Variants in CCSER1 observed in about 807,000 individuals in gnomAD.
The protein encoded by CCSER1 is serine-rich coiled-coil domain-containing protein 1.
Under a neutral mutation model 82.0 loss-of-function variants are expected in CCSER1, and 41 were observed. The ratio of observed to expected loss-of-function variants is 0.50; its 90% confidence interval spans 0.39 to 0.65. The LOEUF (loss-of-function observed/expected upper bound fraction) is 0.65, where lower values mean the gene tolerates loss of function less well. CCSER1 is among the 30% of genes least tolerant of loss of function. The pLI, the probability that CCSER1 is intolerant of heterozygous loss-of-function variation, is 0.00. For missense variants in CCSER1, 1,119 were observed against 1,064.2 expected, an observed-to-expected ratio of 1.05 and a Z score of -0.72; for synonymous variants, 414 against 383.9, an observed-to-expected ratio of 1.08 and a Z score of -0.92.
chr4:90,219,894 C>T (rs946110185), intron 1 of CCSER1, among the ~76,000 whole-genome samples: 1 of 152,086 alleles, frequency 6.6e-6, no homozygotes. Flanking sequence ...CGGGAAATAG[C>T]GTAATAATGA....
intron 8 of CCSER1, among the ~76,000 whole-genome samples, chr4:90,913,012 T>C (rs1205756902): frequency 1.3e-5 from 2 of 152,188 alleles, no homozygotes; most frequent in Non-Finnish European, 2.9e-5. Context: ...CTGCGTCTGA[T>C]TGGTGTACCT....
At chr4:90,314,575 T>C (rs6831305) in intron 3 of CCSER1, among the ~76,000 whole-genome samples, 11,319 of 151,872 alleles carry the variant, frequency 0.075, 1,193 homozygotes, top group African/African-American at 0.24. Context: ...GGCAAAATAT[T>C]GAGAACTCAT....
chr4:91,001,686 G>A (rs1017866382), intron 9 of CCSER1, among the ~76,000 whole-genome samples: 2 of 152,096 alleles, frequency 1.3e-5, no homozygotes. Context: ...ACAGATAGTT[G>A]GTTGGTGAAT....
At chr4:90,487,977 A>G (rs1021005223) in intron 5 of CCSER1, among the ~76,000 whole-genome samples, 9 of 152,116 alleles carry the variant, frequency 5.9e-5, no homozygotes, top group Admixed American at 5.2e-4. Flanking sequence ...GGAGAAGTCA[A>G]CACTTAGTAG....
chr4:90,910,304 A>C (rs1726141315), intron 8 of CCSER1, among the ~76,000 whole-genome samples: 1 of 152,192 alleles, frequency 6.6e-6, no homozygotes, highest in Non-Finnish European at 1.5e-5. Context: ...AAACCATATT[A>C]CTCATTAAAA....
intron 10 of CCSER1, among the ~76,000 whole-genome samples, chr4:91,149,279 T>C (rs1729879339): frequency 6.6e-6 from 1 of 152,238 alleles, no homozygotes. Flanking sequence ...ATAAATGTCT[T>C]CTTTGGAGAA....
intron 10 of CCSER1, among the ~76,000 whole-genome samples, chr4:91,135,313 A>G (rs530779958): frequency 2.0e-4 from 31 of 152,312 alleles, no homozygotes; most frequent in Admixed American, 7.2e-4. Context: ...GAAGTATTAC[A>G]GTCACAAAGG....
chr4:90,843,482 T>C (rs1241315024), intron 8 of CCSER1, among the ~76,000 whole-genome samples: 1 of 152,230 alleles, frequency 6.6e-6, no homozygotes, highest in Non-Finnish European at 1.5e-5. Flanking sequence ...CTTAATGCTT[T>C]AGAAAATGAT....
chr4:91,350,028 G>C (rs896504036), intron 10 of CCSER1, among the ~76,000 whole-genome samples: 13 of 152,146 alleles, frequency 8.5e-5, no homozygotes, highest in African/African-American at 3.1e-4. Context: ...GTTTCAGTTT[G>C]TTCTGTTTTT....
chr4:91,565,176 G>T (rs958041745), intron 10 of CCSER1, among the ~76,000 whole-genome samples: 2 of 151,176 alleles, frequency 1.3e-5, no homozygotes, highest in Non-Finnish European at 1.5e-5. Flanking sequence ...CCATTGCTTG[G>T]TTTTGTCAGC....
At chr4:90,248,092 G>T (rs1721768004) in intron 1 of CCSER1, among the ~76,000 whole-genome samples, 1 of 152,018 alleles carries the variant, frequency 6.6e-6, no homozygotes, top group Non-Finnish European at 1.5e-5. Flanking sequence ...AATATATTTA[G>T]CTATTTCTTT....
chr4:90,134,175 G>C (rs1474529242), intron 1 of CCSER1, among the ~76,000 whole-genome samples: 3 of 152,188 alleles, frequency 2.0e-5, no homozygotes, highest in Non-Finnish European at 4.4e-5. Context: ...CCGAGTCTCT[G>C]TTCTATGGTC....
At chr4:91,263,776 G>A (rs956362264) in intron 10 of CCSER1, among the ~76,000 whole-genome samples, 35 of 151,860 alleles carry the variant, frequency 2.3e-4, no homozygotes, top group African/African-American at 8.4e-4. Flanking sequence ...AATTAAAATT[G>A]GAAAATCTTT....
chr4:90,185,625 A>G (rs993979392), intron 1 of CCSER1, among the ~76,000 whole-genome samples: 4 of 152,008 alleles, frequency 2.6e-5, no homozygotes, highest in African/African-American at 9.7e-5. Flanking sequence ...ATGCCCTTCC[A>G]TTCTGAAAGA....
intron 1 of CCSER1, among the ~76,000 whole-genome samples, chr4:90,171,543 A>G (rs1323613421): frequency 2.0e-5 from 3 of 151,934 alleles, no homozygotes; most frequent in South Asian, 2.1e-4. Context: ...AATAATAAAG[A>G]TGTTTTAAGT....
At chr4:90,416,832 G>C (rs540244261) in intron 4 of CCSER1, among the ~76,000 whole-genome samples, 180 of 152,156 alleles carry the variant, frequency 1.2e-3, no homozygotes, top group Non-Finnish European at 2.1e-3. Flanking sequence ...ATAATAGGTG[G>C]TATATTTCTT....
chr4:90,602,501 A>G (rs1276493614), intron 5 of CCSER1, among the ~76,000 whole-genome samples: 1 of 152,160 alleles, frequency 6.6e-6, no homozygotes, highest in African/African-American at 2.4e-5. Flanking sequence ...CATTCACCCA[A>G]TATCCATCTT....
rs10024811 is a variant in CCSER1, at chr4:90,747,873, A to G, written c.2010+23882A>G. Reference sequence around the variant, plus strand: ...TGTGTCCATGTGTTCTCATTGTTCAATTCCCACCTATGAGTGAGAATATGC... The same window carrying G: ...TGTGTCCATGTGTTCTCATTGTTCAGTTCCCACCTATGAGTGAGAATATGC... On this transcript the variant is annotated intron_variant, in intron 7 of 10. Transcript: ENST00000509176. Among the ~76,000 whole-genome samples, 1,085 of 144,470 alleles carry G rather than the reference A, an allele frequency of 7.5e-3. 5 individuals are homozygous for G. The highest frequency in any genetic ancestry group is 0.013 in the Non-Finnish European group (859 of 67,006). The allele number at this position is 144,470 out of a possible 152,430, so 94.8% of individuals were successfully genotyped here.
At chr4:91,223,404 T>C (rs1194447315) in intron 10 of CCSER1, among the ~76,000 whole-genome samples, 1 of 152,148 alleles carries the variant, frequency 6.6e-6, no homozygotes, top group African/African-American at 2.4e-5. Flanking sequence ...TTTTGGTCTC[T>C]AGAAGTCGGT....
Sources: allele counts gnomAD v4.1 joint callset (sites outside exome capture counted in the v4.1 genomes callset), GRCh38; gene constraint gnomAD v4.1.1; transcripts MANE v1.5; gene names NCBI Gene and HGNC (gene_info 2026-07-23, HGNC 2026-07-21).